Variants in STN1 observed in about 807,000 individuals in gnomAD.
STN1 encodes STN1 subunit of CST complex.
Under a neutral mutation model 45.5 loss-of-function variants are expected in STN1, and 29 were observed. The ratio of observed to expected loss-of-function variants is 0.64; its 90% CI spans 0.47 to 0.87. The LOEUF (loss-of-function observed/expected upper bound fraction) is 0.87, where lower values mean the gene tolerates loss of function less well. STN1 is among the 40% of genes least tolerant of loss of function. The probability of loss-of-function intolerance (pLI) is 0.00; values close to 1 mark genes in which losing one functional copy is unlikely to be tolerated. For missense variants in STN1, 376 were observed against 441.4 expected (o/e 0.85, Z 1.33); for synonymous variants, 148 against 159.0 (o/e 0.93, Z 0.52).
At chr10:103,909,201 C>A (rs936931083) in intron 3 of STN1, among the ~76,000 whole-genome samples, 2 of 150,888 alleles carry the variant, frequency 1.3e-5, no homozygotes, top group East Asian at 3.9e-4. Flanking sequence ...GTACTATATA[C>A]CACAGTGTAC....
chr10:103,909,490 G>GTATATA lies in STN1; in HGVS notation c.229+1036_229+1037insTATATA, dbSNP rs1564635131. Among the ~76,000 whole-genome samples, 146 of 31,546 alleles carry GTATATA rather than the reference G, an allele frequency of 4.6e-3. 30 individuals are homozygous for GTATATA. The highest frequency in any genetic ancestry group is 6.8e-3 in the Non-Finnish European group (82 of 12,108). 20.7% of individuals were successfully genotyped at this position (31,546 alleles called of 152,430 possible). On this transcript the variant is annotated intron_variant, in intron 3 of 9. Coordinates refer to ENST00000224950, the MANE Select transcript of STN1 (RefSeq NM_024928.5). ...TATATGTATATATGTATATATATGTGTGTGTGTATATGTATATATGTATAT... is the reference window on the plus strand; with the variant it reads ...TATATGTATATATGTATATATATGTGTATATATGTGTGTATATGTATATATGTATAT...
intron 9 of STN1, among the ~76,000 whole-genome samples, chr10:103,885,262 CAGCA>C (rs1843096075): frequency 6.6e-6 from 1 of 152,196 alleles, no homozygotes; most frequent in African/African-American, 2.4e-5. Context: ...AAGAGCTGAC[CAGCA>C]AGCAAGGATA....
chr10:103,884,092 A>G (rs1315059708), intron 9 of STN1, among the ~76,000 whole-genome samples: 1 of 99,346 alleles, frequency 1.0e-5, no homozygotes, highest in Non-Finnish European at 2.1e-5. Flanking sequence ...TCCATCTCAA[A>G]AAAAAAAAAA....
At chr10:103,905,812 G>A (rs915317329) in intron 3 of STN1, among the ~76,000 whole-genome samples, 6 of 152,148 alleles carry the variant, frequency 3.9e-5, no homozygotes, top group African/African-American at 1.4e-4. Flanking sequence ...AACAGTACTA[G>A]TCTGGCTTAT....
chr10:103,910,651 T>C, intron 2 of STN1, 29 bp from the exon 3 acceptor site: 1 of 1,056,336 alleles, frequency 9.5e-7, no homozygotes, highest in South Asian at 1.3e-5. Context: ...AAAGTCGACA[T>C]AATGTATGAT....
intron 3 of STN1, among the ~76,000 whole-genome samples, chr10:103,906,624 G>A (rs1011268572): frequency 6.6e-5 from 10 of 151,858 alleles, no homozygotes; most frequent in African/African-American, 2.4e-4. Flanking sequence ...TCATGCCACT[G>A]CACTCCAGCC....
chr10:103,899,878 C>T (rs1258400516), intron 5 of STN1, 184 bp downstream of exon 5: 3 of 544,968 alleles, frequency 5.5e-6, no homozygotes, highest in East Asian at 6.1e-5. Flanking sequence ...AATTAGCTGT[C>T]TTCAAAATAA....
intron 2 of STN1, among the ~76,000 whole-genome samples, chr10:103,913,646 G>C (rs1843305777): frequency 6.6e-6 from 1 of 152,120 alleles, no homozygotes; most frequent in South Asian, 2.1e-4. Context: ...CAAAAAGATG[G>C]CTGAAGACAT....
At chr10:103,891,898 G>A (rs1423999339) in intron 8 of STN1, among the ~76,000 whole-genome samples, 1 of 152,214 alleles carries the variant, frequency 6.6e-6, no homozygotes, top group African/African-American at 2.4e-5. Flanking sequence ...ATCTGCATTT[G>A]GTTGAAAAAG....
At chr10:103,908,751 G>A (rs1177406738) in intron 3 of STN1, among the ~76,000 whole-genome samples, 1 of 152,154 alleles carries the variant, frequency 6.6e-6, no homozygotes, top group Non-Finnish European at 1.5e-5. Context: ...TTTTTATAAT[G>A]GGAAAAGAGG....
At chr10:103,882,954 T>C (rs575657557) in intron 9 of STN1, 113 bp from the exon 10 acceptor site, 39 of 1,051,176 alleles carry the variant, frequency 3.7e-5, no homozygotes, top group South Asian at 3.5e-4. Flanking sequence ...ATGATCTTTA[T>C]GCACATTAAA....
In STN1 at chr10:103,881,627, A is replaced by T. The variant is rs969189136; in HGVS notation, c.*1057T>A. ...AACTCTCCAGGCCTAAAGGATCTCC[A>T]GCTGAGCCACGAAGAGCTTATCACA... On this transcript the variant is annotated 3_prime_UTR_variant, in exon 10 of 10. Transcript: ENST00000224950. Among the ~76,000 whole-genome samples the T allele has an allele frequency of 5.3e-5, 8 of 152,220 alleles. No individual in the cohort carries two copies. Among genetic ancestry groups the T allele is most frequent in the Non-Finnish European group, 1.0e-4 (7 of 68,032 alleles).
At chr10:103,917,425 T>C in intron 2 of STN1, 37 bp downstream of exon 2, 1 of 1,595,338 alleles carries the variant, frequency 6.3e-7, no homozygotes, top group Non-Finnish European at 8.5e-7. Flanking sequence ...GGGTGGCAGA[T>C]GCAGCCCAGG....
intron 4 of STN1, among the ~76,000 whole-genome samples, chr10:103,902,192 A>T (rs1425612760): frequency 2.0e-5 from 3 of 152,204 alleles, no homozygotes; most frequent in Non-Finnish European, 4.4e-5. Context: ...CAGTGAGTCC[A>T]GGTAGGAACC....
intron 3 of STN1, among the ~76,000 whole-genome samples, chr10:103,907,340 C>T (rs1232245833): frequency 6.6e-6 from 1 of 152,056 alleles, no homozygotes; most frequent in Non-Finnish European, 1.5e-5. Flanking sequence ...ATATACATGG[C>T]TCATTGTAAA....
intron 7 of STN1, among the ~76,000 whole-genome samples, chr10:103,893,058 T>C (rs1843149980): frequency 1.3e-5 from 2 of 152,226 alleles, no homozygotes; most frequent in South Asian, 2.1e-4. Flanking sequence ...ATCTGTGAGA[T>C]GAATGGAAAC....
intron 9 of STN1, among the ~76,000 whole-genome samples, chr10:103,884,648 T>A (rs1341632908): frequency 6.6e-6 from 1 of 152,114 alleles, no homozygotes; most frequent in African/African-American, 2.4e-5. Flanking sequence ...TGTTTACAGA[T>A]GAAAAATGCT....
At chr10:103,884,658 T>C (rs1202660700) in intron 9 of STN1, among the ~76,000 whole-genome samples, 3 of 152,166 alleles carry the variant, frequency 2.0e-5, no homozygotes, top group Non-Finnish European at 4.4e-5. Context: ...TGAAAAATGC[T>C]TTAGGCTTCA....
chr10:103,884,061 A>AC (rs993355849), intron 9 of STN1, among the ~76,000 whole-genome samples: 22 of 139,024 alleles, frequency 1.6e-4, no homozygotes, highest in Admixed American at 9.2e-4. Context: ...CTGTACTCCA[A>AC]CCTGGGTGAC....
Sources: gnomAD v4.1 joint callset for allele counts (sites outside exome capture counted in the v4.1 genomes callset) on GRCh38, gnomAD v4.1.1 for gene constraint, MANE v1.5 for transcripts, NCBI Gene and HGNC (gene_info 2026-07-23, HGNC 2026-07-21) for gene names.